KCNAB1: variants seen among roughly 807,000 people sequenced by gnomAD.
KCNAB1 encodes the protein voltage-gated potassium channel subunit beta-1.
In KCNAB1, 35 loss-of-function variants were observed where a neutral mutation model predicts 64.6. The ratio of observed to expected loss-of-function variants is 0.54; its 90% CI spans 0.41 to 0.72. KCNAB1 has a LOEUF of 0.72. KCNAB1 is among the 30% of genes least tolerant of loss of function. The pLI, the probability that KCNAB1 is intolerant of heterozygous loss-of-function variation, is 0.00. For missense variants in KCNAB1, 401 were observed against 512.9 expected, an observed-to-expected ratio of 0.78 and a Z score of 2.11; for synonymous variants, 177 against 183.8, an observed-to-expected ratio of 0.96 and a Z score of 0.30.
chr3:156,272,452 T>A (rs1719090093), intron 1 of KCNAB1, among the ~76,000 whole-genome samples: 1 of 152,070 alleles, frequency 6.6e-6, no homozygotes, highest in South Asian at 2.1e-4. Context: ...TTCCCTCCCC[T>A]TTCCCCAGGC....
At chr3:156,514,984 C>A in intron 9 of KCNAB1, 116 bp from the exon 10 acceptor site, 2 of 1,024,538 alleles carry the variant, frequency 2.0e-6, no homozygotes, top group Non-Finnish European at 2.7e-6. Context: ...TGGCATCCTA[C>A]ATGTTTCTTG....
chr3:156,250,064 A>G (rs1717731484), intron 1 of KCNAB1, among the ~76,000 whole-genome samples: 1 of 152,236 alleles, frequency 6.6e-6, no homozygotes, highest in Non-Finnish European at 1.5e-5. Context: ...GGCTAGAAGG[A>G]TGCGGGCTCT....
chr3:156,261,037 A>G (rs1163336662), intron 1 of KCNAB1, among the ~76,000 whole-genome samples: 1 of 152,030 alleles, frequency 6.6e-6, no homozygotes, highest in Non-Finnish European at 1.5e-5. Flanking sequence ...CCATTCACTT[A>G]TTCTCTTTGG....
Position 156,508,817 on chromosome 3 carries a change from C to A in KCNAB1, c.659-5547C>A, listed in dbSNP as rs1011409527. On this transcript the variant is annotated intron_variant, in intron 8 of 13. Transcript: ENST00000490337. The surrounding 1 kb of genome is among the most constrained non-coding windows in gnomAD (Gnocchi z 4.1). ...GTGCTAGGGATACAGGGAGTATGTA[C>A]GAGAGCTGCCTGTGGCGGGTGAGCG... Among the ~76,000 whole-genome samples the A allele has an allele frequency of 1.3e-5, 2 of 152,142 alleles. No homozygotes were observed. The highest frequency in any genetic ancestry group is 2.9e-5 in the Non-Finnish European group (2 of 68,024).
intron 4 of KCNAB1, among the ~76,000 whole-genome samples, chr3:156,459,351 C>T (rs570456772): frequency 6.6e-6 from 1 of 152,276 alleles, no homozygotes; most frequent in Admixed American, 6.5e-5. Flanking sequence ...CGCGAGTGTT[C>T]TCTATGTGGG....
intron 1 of KCNAB1, among the ~76,000 whole-genome samples, chr3:156,284,562 C>A (rs1167017483): frequency 1.8e-4 from 27 of 152,286 alleles, no homozygotes; most frequent in Admixed American, 3.9e-4. Context: ...TCCCCTCCCC[C>A]AGCCTCGCTG....
In KCNAB1 at chr3:156,301,773, T is replaced by C. The variant is rs146482927; in HGVS notation, c.276-119843T>C. On this transcript the variant is annotated intron_variant, in intron 1 of 13. Transcript: ENST00000490337. ...CTTAATGAGAAAAACAAGTGGACATTTGCCAGAGAACTCCAAATTTCACCA... is the reference window on the plus strand; with the variant it reads ...CTTAATGAGAAAAACAAGTGGACATCTGCCAGAGAACTCCAAATTTCACCA... 4.0e-3 allele frequency among the ~76,000 whole-genome samples: 602 copies of C among 152,328 alleles called. 17 individuals carry two copies. The South Asian group carries it at 0.079, about 20-fold the overall frequency.
At chr3:156,421,553 C>A in intron 1 of KCNAB1, 63 bp from the exon 2 acceptor site, 1 of 1,512,774 alleles carries the variant, frequency 6.6e-7, no homozygotes, top group Non-Finnish European at 9.2e-7. Context: ...ACAATATCCA[C>A]TTATGCATGT....
At chr3:156,525,133 T>C (rs571396458) in intron 12 of KCNAB1, among the ~76,000 whole-genome samples, 30 of 152,244 alleles carry the variant, frequency 2.0e-4, no homozygotes, top group African/African-American at 7.2e-4. Context: ...TACTTTAGAG[T>C]GTTACTCCTT....
intron 1 of KCNAB1, chr3:156,290,979 C>G: frequency 2.0e-6 from 2 of 985,528 alleles, no homozygotes; most frequent in Non-Finnish European, 2.4e-6. Flanking sequence ...ACAGAGTATT[C>G]ACGTGTTAAT....
intron 1 of KCNAB1, among the ~76,000 whole-genome samples, chr3:156,256,569 C>T (rs1165079060): frequency 7.2e-5 from 11 of 152,210 alleles, no homozygotes; most frequent in Non-Finnish European, 5.9e-5. Flanking sequence ...CCTCAGGCAT[C>T]GTCTTCTGTT....
At chr3:156,281,771 C>T (rs1392031345) in intron 1 of KCNAB1, among the ~76,000 whole-genome samples, 3 of 150,940 alleles carry the variant, frequency 2.0e-5, no homozygotes, top group Non-Finnish European at 4.4e-5. Context: ...TTGTAGTATT[C>T]CCTGATGGTA....
intron 11 of KCNAB1, among the ~76,000 whole-genome samples, chr3:156,521,466 A>G (rs9848416): frequency 0.64 from 97,855 of 152,070 alleles, 31,588 homozygotes; most frequent in Admixed American, 0.72. Flanking sequence ...TGCCAGCCAT[A>G]AGTGTCAGAA....
chr3:156,228,418 T>C (rs1477649344), intron 1 of KCNAB1, among the ~76,000 whole-genome samples: 1 of 152,196 alleles, frequency 6.6e-6, no homozygotes, highest in Non-Finnish European at 1.5e-5. Context: ...AGCCCCTGTG[T>C]TGTTTCCTCA....
At chr3:156,242,378 T>G (rs1560154009) in intron 1 of KCNAB1, among the ~76,000 whole-genome samples, 1 of 152,196 alleles carries the variant, frequency 6.6e-6, no homozygotes, top group Non-Finnish European at 1.5e-5. Context: ...TGTGAGACTT[T>G]GGGGTACCTG....
At chr3:156,402,404 G>C (rs903535861) in intron 1 of KCNAB1, among the ~76,000 whole-genome samples, 1 of 152,146 alleles carries the variant, frequency 6.6e-6, no homozygotes, top group East Asian at 1.9e-4. Context: ...TGGCCTACCA[G>C]TGTTTTCATC....
chr3:156,188,308 GA>G (rs35549880), intron 1 of KCNAB1, among the ~76,000 whole-genome samples: 1 of 151,412 alleles, frequency 6.6e-6, no homozygotes, highest in Non-Finnish European at 1.5e-5. Context: ...CATTCCCCCA[GA>G]AATTAATTTC....
At chr3:156,236,093 C>T (rs1716832084) in intron 1 of KCNAB1, among the ~76,000 whole-genome samples, 2 of 152,074 alleles carry the variant, frequency 1.3e-5, no homozygotes, top group South Asian at 4.2e-4. Context: ...AATATAATAA[C>T]AATAACAATA....
intron 1 of KCNAB1, among the ~76,000 whole-genome samples, chr3:156,229,859 G>GT (rs879902397): frequency 3.1e-3 from 453 of 146,904 alleles, no homozygotes; most frequent in African/African-American, 8.8e-3. Flanking sequence ...AATTTAAAAA[G>GT]TTTTTTTTTT....
Sources: gnomAD v4.1 joint callset for allele counts (sites outside exome capture counted in the v4.1 genomes callset) on GRCh38, gnomAD v4.1.1 for gene constraint, Gnocchi (gnomAD v3.1) non-coding constraint, MANE v1.5 for transcripts, NCBI Gene and HGNC (gene_info 2026-07-23, HGNC 2026-07-21) for gene names.